Variants in ARAP2 observed in about 807,000 individuals in gnomAD.
The protein encoded by ARAP2 is arf-GAP with Rho-GAP domain, ANK repeat and PH domain-containing protein 2.
In ARAP2, 148 loss-of-function variants were observed where a neutral mutation model predicts 194.5. The observed-to-expected ratio is 0.76, with a 90% CI of 0.67 to 0.87. The LOEUF (loss-of-function observed/expected upper bound fraction) is 0.87, where lower values mean the gene tolerates loss of function less well. Ranked by LOEUF, ARAP2 falls within the 40% of genes least tolerant of loss-of-function variation. The pLI, the probability that ARAP2 is intolerant of heterozygous loss-of-function variation, is 0.00. For synonymous variants in ARAP2, 695 were observed against 683.5 expected (o/e 1.02, Z -0.26); for missense variants, 2,128 against 1,989.7 (o/e 1.07, Z -1.32).
intron 19 of ARAP2, among the ~76,000 whole-genome samples, chr4:36,142,282 T>G (rs1338183123): frequency 6.6e-6 from 1 of 151,678 alleles, no homozygotes; most frequent in Admixed American, 6.6e-5. Flanking sequence ...CTCTTGTTTG[T>G]ACTCTCTCTT....
intron 9 of ARAP2, among the ~76,000 whole-genome samples, chr4:36,177,218 A>G (rs965118903): frequency 8.0e-4 from 122 of 152,256 alleles, no homozygotes; most frequent in Non-Finnish European, 3.1e-4. Flanking sequence ...GTCCTTTGAC[A>G]TTAATCAAAT....
At chr4:36,134,573 A>G (rs1726206503) in intron 19 of ARAP2, among the ~76,000 whole-genome samples, 1 of 151,678 alleles carries the variant, frequency 6.6e-6, no homozygotes, top group Admixed American at 6.6e-5. Context: ...TGCCAGAATG[A>G]TCTAAAACGC....
chr4:36,061,369 C>T (rs969875764), downstream of ARAP2, among the ~76,000 whole-genome samples: 1 of 152,172 alleles, frequency 6.6e-6, no homozygotes, highest in Non-Finnish European at 1.5e-5. Context: ...CTACCCTTCC[C>T]AGCCTCTGGC....
At chr4:36,076,129 A>G (rs913507619) in intron 31 of ARAP2, among the ~76,000 whole-genome samples, 2 of 152,166 alleles carry the variant, frequency 1.3e-5, no homozygotes, top group Non-Finnish European at 2.9e-5. Context: ...GCTGATTGCA[A>G]ATAACTTTTA....
chr4:36,217,160 C>T (rs551373066), intron 2 of ARAP2, among the ~76,000 whole-genome samples: 1 of 152,312 alleles, frequency 6.6e-6, no homozygotes, highest in Non-Finnish European at 1.5e-5. Context: ...AAATTACATG[C>T]TTTAAAGGAT....
At chr4:36,107,740 C>A (rs773544206) in intron 26 of ARAP2, 47 bp from the exon 27 acceptor site, 2 of 1,524,642 alleles carry the variant, frequency 1.3e-6, no homozygotes, top group East Asian at 2.3e-5. Flanking sequence ...ATGAGGATAA[C>A]AATTTTTTAT....
intron 23 of ARAP2, 43 bp downstream of exon 23, chr4:36,121,136 A>T: frequency 2.8e-6 from 4 of 1,425,382 alleles, no homozygotes; most frequent in Non-Finnish European, 3.8e-6. Context: ...GCAAACAGTG[A>T]CATTATAACC....
chr4:36,231,124 G>A (rs191834887), intron 1 of ARAP2, among the ~76,000 whole-genome samples: 258 of 152,224 alleles, frequency 1.7e-3, no homozygotes, highest in Non-Finnish European at 2.7e-3. Flanking sequence ...ATTATTTGAG[G>A]TCAGGAGATG....
intron 9 of ARAP2, among the ~76,000 whole-genome samples, chr4:36,007,770 C>T (rs1005037490): frequency 6.6e-6 from 1 of 152,080 alleles, no homozygotes; most frequent in Non-Finnish European, 1.5e-5. Flanking sequence ...GCTTTCATTT[C>T]TTTTTTGTTT....
chr4:36,201,674 A>G (rs1744392755), intron 6 of ARAP2, among the ~76,000 whole-genome samples: 1 of 152,180 alleles, frequency 6.6e-6, no homozygotes, highest in Non-Finnish European at 1.5e-5. Flanking sequence ...GTTGTCTCAA[A>G]ATGTGTTTCT....
chr4:36,140,139 T>TACACACACACACAC (rs66531233), intron 19 of ARAP2, among the ~76,000 whole-genome samples: 7,888 of 140,324 alleles, frequency 0.056, 322 homozygotes, highest in Non-Finnish European at 0.077. Flanking sequence ...ACAAAAACAA[T>TACACACACACACAC]ACACACACAC....
intron 22 of ARAP2, among the ~76,000 whole-genome samples, chr4:36,122,136 T>G (rs529806200): frequency 6.6e-6 from 1 of 151,874 alleles, no homozygotes; most frequent in South Asian, 2.1e-4. Context: ...AGAGGGGTTA[T>G]GGGGAAAAAT....
At chr4:36,060,592 A>T (rs1030806056) in intron 1 of ARAP2, among the ~76,000 whole-genome samples, 2 of 152,186 alleles carry the variant, frequency 1.3e-5, no homozygotes, top group Non-Finnish European at 2.9e-5. Flanking sequence ...TAACACAAAA[A>T]CGTGATGTAT....
At chr4:36,033,116 A>G (rs567772294) in intron 5 of ARAP2, among the ~76,000 whole-genome samples, 1 of 152,272 alleles carries the variant, frequency 6.6e-6, no homozygotes, top group African/African-American at 2.4e-5. Context: ...GCTGTTGTAA[A>G]TAGTGTTTCC....
At chr4:36,037,035 G>T (rs1424905010) in intron 5 of ARAP2, among the ~76,000 whole-genome samples, 18 of 152,078 alleles carry the variant, frequency 1.2e-4, no homozygotes, top group Admixed American at 1.2e-3. Context: ...TGGGCTAAGT[G>T]TCTTCCCTAA....
intron 5 of ARAP2, among the ~76,000 whole-genome samples, chr4:36,041,910 A>T (rs1237825824): frequency 6.6e-6 from 1 of 152,226 alleles, no homozygotes; most frequent in Non-Finnish European, 1.5e-5. Flanking sequence ...TTCTCAGCAA[A>T]CTAACACAGG....
At chr4:36,150,628 G>C (rs1050849731) in intron 16 of ARAP2, among the ~76,000 whole-genome samples, 5 of 151,286 alleles carry the variant, frequency 3.3e-5, no homozygotes, top group Admixed American at 3.3e-4. Flanking sequence ...GTGATAGAGC[G>C]AGACTCCATC....
chr4:36,027,506 G>C (rs1455149011), intron 5 of ARAP2, among the ~76,000 whole-genome samples: 11 of 151,610 alleles, frequency 7.3e-5, no homozygotes, highest in African/African-American at 2.7e-4. Flanking sequence ...CGAAGCAATC[G>C]CTGACACTCA....
In ARAP2 at chr4:36,182,582, C is replaced by A. The variant is rs144647538; in HGVS notation, c.1679-4577G>T. Among the ~76,000 whole-genome samples, 765 of 152,142 alleles carry A rather than the reference C, an allele frequency of 5.0e-3. 6 individuals carry two copies. The highest frequency in any genetic ancestry group is 7.5e-3 in the Non-Finnish European group (510 of 68,004). On this transcript the variant is annotated intron_variant, in intron 8 of 32. Transcript: ENST00000303965. ...AAGTGAACTGACATGATTTGACCTTCGTATTAAATAACTGCTCTGACAAGT... is the reference window on the plus strand; with the variant it reads ...AAGTGAACTGACATGATTTGACCTTAGTATTAAATAACTGCTCTGACAAGT...
Sources: allele counts gnomAD v4.1 joint callset (sites outside exome capture counted in the v4.1 genomes callset), GRCh38; gene constraint gnomAD v4.1.1; transcripts MANE v1.5; gene names NCBI Gene and HGNC (gene_info 2026-07-23, HGNC 2026-07-21).